SDK1: variants seen among roughly 807,000 people sequenced by gnomAD.
SDK1 encodes protein sidekick-1.
Under a neutral mutation model 245.5 loss-of-function variants are expected in SDK1, and 157 were observed. The ratio of observed to expected loss-of-function variants is 0.64; its 90% CI spans 0.56 to 0.73. The LOEUF (loss-of-function observed/expected upper bound fraction) is 0.73. Ranked by LOEUF, SDK1 falls within the 30% of genes least tolerant of loss-of-function variation. SDK1 has a pLI of 0.00. For synonymous variants in SDK1, 1,647 were observed against 1,278.5 expected (o/e 1.29, Z -6.15); for missense variants, 3,583 against 3,002.3 (o/e 1.19, Z -4.52).
intron 5 of SDK1, among the ~76,000 whole-genome samples, chr7:3,901,398 G>A (rs1174641617): frequency 6.6e-6 from 1 of 152,084 alleles, no homozygotes; most frequent in Non-Finnish European, 1.5e-5. Flanking sequence ...GTGCTAGCCA[G>A]GATGGTCTCG....
At chr7:3,888,512 C>T (rs1001832035) in intron 5 of SDK1, among the ~76,000 whole-genome samples, 3 of 152,152 alleles carry the variant, frequency 2.0e-5, no homozygotes, top group Non-Finnish European at 4.4e-5. Context: ...AATGGTGATG[C>T]GTTAATAGAC....
chr7:3,320,014 G>C (rs1218664512), intron 1 of SDK1, among the ~76,000 whole-genome samples: 2 of 151,410 alleles, frequency 1.3e-5, no homozygotes, highest in African/African-American at 2.4e-5. Flanking sequence ...GCCTGGATGT[G>C]GTGGAGGGAT....
chr7:3,956,362 G>A (rs540226607), intron 7 of SDK1, among the ~76,000 whole-genome samples: 75 of 152,286 alleles, frequency 4.9e-4, no homozygotes, highest in Non-Finnish European at 7.4e-4. Flanking sequence ...GTGTAAAACC[G>A]TAGCTGGAAA....
At chr7:3,582,447 A>G (rs549417529) in intron 1 of SDK1, among the ~76,000 whole-genome samples, 1,789 of 146,554 alleles carry the variant, frequency 0.012, 12 homozygotes, top group Non-Finnish European at 0.019. Flanking sequence ...TGTCTCAGGT[A>G]GGTCTCCCTC....
chr7:3,580,558 C>T (rs1437675700), intron 1 of SDK1, among the ~76,000 whole-genome samples: 2 of 152,100 alleles, frequency 1.3e-5, no homozygotes, highest in Non-Finnish European at 2.9e-5. Flanking sequence ...ATTCCCTATT[C>T]AATAAATGGT....
intron 35 of SDK1, among the ~76,000 whole-genome samples, chr7:4,184,057 C>T (rs1782743882): frequency 1.3e-5 from 2 of 152,226 alleles, no homozygotes; most frequent in Non-Finnish European, 2.9e-5. Flanking sequence ...CCTTTCTAGC[C>T]TCTGCTTCTC....
At chr7:3,972,661 C>T (rs182535639) in intron 12 of SDK1, among the ~76,000 whole-genome samples, 4 of 152,324 alleles carry the variant, frequency 2.6e-5, no homozygotes, top group South Asian at 2.1e-4. Flanking sequence ...CTCAAGATGC[C>T]CTGCTGCTTT....
intron 1 of SDK1, among the ~76,000 whole-genome samples, chr7:3,396,412 G>T (rs979978207): frequency 2.0e-5 from 3 of 151,638 alleles, no homozygotes; most frequent in Admixed American, 2.0e-4. Flanking sequence ...AAGTTGATTG[G>T]CAGTGTTATA....
At chr7:3,655,223 T>TG (rs1301495368) in intron 4 of SDK1, among the ~76,000 whole-genome samples, 1 of 151,166 alleles carries the variant, frequency 6.6e-6, no homozygotes, top group African/African-American at 2.4e-5. Flanking sequence ...CATCTGAGGT[T>TG]GGGAGTTCAA....
intron 1 of SDK1, among the ~76,000 whole-genome samples, chr7:3,482,523 G>A (rs368717097): frequency 6.6e-6 from 1 of 152,178 alleles, no homozygotes; most frequent in African/African-American, 2.4e-5. Context: ...AAATCTCTGC[G>A]CAGAAGAGAG....
At chr7:3,805,279 C>T (rs1379419762) in intron 4 of SDK1, among the ~76,000 whole-genome samples, 1 of 152,200 alleles carries the variant, frequency 6.6e-6, no homozygotes, top group Non-Finnish European at 1.5e-5. Context: ...GTTACTGTTG[C>T]TTTGTAGATT....
At chr7:3,710,553 C>T (rs186581349) in intron 4 of SDK1, among the ~76,000 whole-genome samples, 8 of 151,170 alleles carry the variant, frequency 5.3e-5, no homozygotes, top group Admixed American at 3.9e-4. Context: ...TGTAGTTTCT[C>T]GTAGTTAAAA....
At chr7:3,507,090 C>T (rs750774657) in intron 1 of SDK1, among the ~76,000 whole-genome samples, 7 of 152,112 alleles carry the variant, frequency 4.6e-5, no homozygotes, top group Non-Finnish European at 8.8e-5. Flanking sequence ...GTTTGTTTAG[C>T]CCTAATCCCG....
At position 3,767,653 on chromosome 7, in the gene SDK1, A is replaced by T. The variant is rs140675810; in HGVS notation, c.714-53797A>T. ...TAATATCCTTCTCATCACTTTACAG[A>T]TGAAGAAACAGAAGCACTGAGACAT... On this transcript the variant is annotated intron_variant, in intron 4 of 44. Coordinates refer to ENST00000404826, the MANE Select transcript of SDK1 (RefSeq NM_152744.4). Among the ~76,000 whole-genome samples the T allele has an allele frequency of 2.1e-3, 321 of 152,276 alleles. 3 individuals carry two copies. The highest frequency in any genetic ancestry group is 7.3e-3 in the African/African-American group (305 of 41,558).
chr7:3,332,302 C>T (rs1361509433), intron 1 of SDK1, among the ~76,000 whole-genome samples: 1 of 152,082 alleles, frequency 6.6e-6, no homozygotes, highest in Non-Finnish European at 1.5e-5. Flanking sequence ...TAAAGTTGTG[C>T]AAATTAATCC....
chr7:3,452,712 T>C (rs1188685184), intron 1 of SDK1, among the ~76,000 whole-genome samples: 1 of 152,178 alleles, frequency 6.6e-6, no homozygotes, highest in Non-Finnish European at 1.5e-5. Context: ...GAAATATACA[T>C]AGTCATTGAC....
intron 17 of SDK1, among the ~76,000 whole-genome samples, chr7:4,044,136 A>G (rs758066553): frequency 6.6e-6 from 1 of 152,142 alleles, no homozygotes; most frequent in Non-Finnish European, 1.5e-5. Context: ...TGGATATGTG[A>G]CCGTCTGTGC....
intron 1 of SDK1, among the ~76,000 whole-genome samples, chr7:3,446,729 C>G (rs561464319): frequency 5.3e-5 from 8 of 152,268 alleles, no homozygotes; most frequent in Non-Finnish European, 7.4e-5. Flanking sequence ...CAATCCCTAA[C>G]AAATAACTAG....
intron 19 of SDK1, among the ~76,000 whole-genome samples, chr7:4,063,546 T>C (rs1352382232): frequency 1.3e-5 from 2 of 149,592 alleles, no homozygotes; most frequent in Non-Finnish European, 3.0e-5. Flanking sequence ...ATGAATCTAA[T>C]GACTCAATGC....
Sources: gnomAD v4.1 joint callset for allele counts (sites outside exome capture counted in the v4.1 genomes callset) on GRCh38, gnomAD v4.1.1 for gene constraint, MANE v1.5 for transcripts, NCBI Gene and HGNC (gene_info 2026-07-23, HGNC 2026-07-21) for gene names.